DAB2IP: variants seen among roughly 807,000 people sequenced by gnomAD.
DAB2IP encodes the protein DAB2 interacting protein.
Under a neutral mutation model 107.2 loss-of-function variants are expected in DAB2IP, and 28 were observed. The ratio of observed to expected loss-of-function variants is 0.26; its 90% CI spans 0.19 to 0.36. DAB2IP has a LOEUF of 0.36. DAB2IP is among the 10% of genes least tolerant of loss of function. DAB2IP has a pLI of 1.00. For missense variants in DAB2IP, 1,400 were observed against 1,644.7 expected, an observed-to-expected ratio of 0.85 and a Z score of 2.57; for synonymous variants, 755 against 706.4, an observed-to-expected ratio of 1.07 and a Z score of -1.09.
chr9:121,613,600 C>T (rs1196349174), intron 1 of DAB2IP, among the ~76,000 whole-genome samples: 2 of 152,144 alleles, frequency 1.3e-5, no homozygotes, highest in African/African-American at 4.8e-5. Flanking sequence ...CCCCATAAAT[C>T]AAGGCAGCAG....
intron 1 of DAB2IP, among the ~76,000 whole-genome samples, chr9:121,636,128 G>A (rs1170759386): frequency 6.6e-6 from 1 of 151,942 alleles, no homozygotes; most frequent in East Asian, 1.9e-4. Context: ...GGCTGGTTTC[G>A]AGTTCCTGAG....
intron 1 of DAB2IP, among the ~76,000 whole-genome samples, chr9:121,616,187 C>T (rs973399062): frequency 6.6e-6 from 1 of 152,294 alleles, no homozygotes; most frequent in Admixed American, 6.5e-5. Flanking sequence ...TTGCCTCCTG[C>T]AGGATGCAGG....
In DAB2IP at chr9:121,592,762, G is replaced by A. The variant is rs1830442566; in HGVS notation, c.40+25534G>A. ...AGATATAGTGCAGACGATGCCTTTG[G>A]CAAATCACTCCAGACACATCCCTTG... On this transcript the variant is annotated intron_variant, in intron 1 of 16. Coordinates refer to the DAB2IP transcript ENST00000259371. Among the ~76,000 whole-genome samples the A allele has an allele frequency of 2.0e-5, 3 of 152,180 alleles. No individual in the cohort carries two copies. The South Asian group carries it at 6.2e-4, about 31-fold the overall frequency.
chr9:121,748,059 T>G (rs1832839347), intron 3 of DAB2IP, among the ~76,000 whole-genome samples: 1 of 151,994 alleles, frequency 6.6e-6, no homozygotes, highest in Non-Finnish European at 1.5e-5. Context: ...CAGGCAGCAG[T>G]GAGATGTTGC....
intron 1 of DAB2IP, among the ~76,000 whole-genome samples, chr9:121,600,696 A>G (rs1051423511): frequency 6.6e-6 from 1 of 152,154 alleles, no homozygotes; most frequent in Admixed American, 6.5e-5. Context: ...CCTAAGAGTA[A>G]AAAAATGGAA....
intron 3 of DAB2IP, chr9:121,737,180 T>C (rs1445145902): frequency 1.0e-6 from 1 of 985,180 alleles, no homozygotes; most frequent in African/African-American, 1.7e-5. Flanking sequence ...CAGACCTCTG[T>C]GCTCTGGCCT....
intron 2 of DAB2IP, among the ~76,000 whole-genome samples, chr9:121,695,243 C>G (rs1006100926): frequency 6.6e-6 from 1 of 152,212 alleles, no homozygotes; most frequent in African/African-American, 2.4e-5. Context: ...TGTCCCCCTG[C>G]CGGGCGGCCC....
chr9:121,625,363 C>T (rs765266941), intron 1 of DAB2IP, among the ~76,000 whole-genome samples: 46 of 151,910 alleles, frequency 3.0e-4, no homozygotes, highest in Non-Finnish European at 1.2e-4. Flanking sequence ...CCTCAGCCCC[C>T]GAGTAGCTGA....
chr9:121,626,066 C>G (rs34030152), intron 1 of DAB2IP, among the ~76,000 whole-genome samples: 3 of 152,184 alleles, frequency 2.0e-5, no homozygotes, highest in Admixed American at 6.5e-5. Context: ...GGAGCCCCCT[C>G]TGAGGAGCTC....
At chr9:121,641,950 C>T (rs562136315) in intron 1 of DAB2IP, among the ~76,000 whole-genome samples, 12 of 47,028 alleles carry the variant, frequency 2.6e-4, no homozygotes, top group African/African-American at 6.3e-4. Context: ...TCTTTCTTTC[C>T]TTTCTTTCTT....
intron 1 of DAB2IP, among the ~76,000 whole-genome samples, chr9:121,656,305 G>T (rs1459772462): frequency 6.6e-6 from 1 of 151,980 alleles, no homozygotes; most frequent in Non-Finnish European, 1.5e-5. Flanking sequence ...ACCGTGCCTG[G>T]CTGGGACCCT....
chr9:121,686,847 TG>T (rs1828906132), intron 2 of DAB2IP, among the ~76,000 whole-genome samples: 1 of 152,150 alleles, frequency 6.6e-6, no homozygotes, highest in Non-Finnish European at 1.5e-5. Context: ...CCCAGGTAAC[TG>T]GGCAGACCCC....
intron 3 of DAB2IP, among the ~76,000 whole-genome samples, chr9:121,717,399 A>G (rs1278830952): frequency 6.6e-6 from 1 of 152,260 alleles, no homozygotes; most frequent in East Asian, 1.9e-4. Flanking sequence ...GAGAGGAAAC[A>G]CTGCATCCTT....
chr9:121,767,842 G>C, intron 9 of DAB2IP, among the ~76,000 whole-genome samples: 1 of 152,186 alleles, frequency 6.6e-6, no homozygotes, highest in South Asian at 2.1e-4. Flanking sequence ...CAAGGGACAA[G>C]GTTAGGGGTG....
chr9:121,678,925 A>C, intron 2 of DAB2IP, 144 bp downstream of exon 2: 2 of 735,432 alleles, frequency 2.7e-6, no homozygotes, highest in Non-Finnish European at 4.0e-6. Flanking sequence ...TAGGTATCCG[A>C]TCCCTCAGCT....
At chr9:121,673,878 G>T (rs540156953) in intron 1 of DAB2IP, among the ~76,000 whole-genome samples, 1 of 152,188 alleles carries the variant, frequency 6.6e-6, no homozygotes, top group East Asian at 1.9e-4. Context: ...GGTAAAGGAG[G>T]TCCCATCAGC....
intron 3 of DAB2IP, among the ~76,000 whole-genome samples, chr9:121,753,254 T>C (rs1175252333): frequency 1.3e-5 from 2 of 152,102 alleles, no homozygotes; most frequent in Admixed American, 6.5e-5. Flanking sequence ...TGGAAGTGAT[T>C]TGCAGGGGTG....
chr9:121,687,965 TG>T (rs1828970267), intron 2 of DAB2IP, among the ~76,000 whole-genome samples: 1 of 152,136 alleles, frequency 6.6e-6, no homozygotes, highest in South Asian at 2.1e-4. Context: ...GGGACAGAGC[TG>T]AGATTTGGAC....
At chr9:121,752,556 G>A (rs983922415) in intron 3 of DAB2IP, among the ~76,000 whole-genome samples, 1 of 152,252 alleles carries the variant, frequency 6.6e-6, no homozygotes, top group Admixed American at 6.5e-5. Flanking sequence ...GGGCACTGAA[G>A]CTGGGTGCTG....
Sources: allele counts gnomAD v4.1 joint callset (sites outside exome capture counted in the v4.1 genomes callset), GRCh38; gene constraint gnomAD v4.1.1; transcripts MANE v1.5; gene names NCBI Gene and HGNC (gene_info 2026-07-23, HGNC 2026-07-21).